GRM1: variants seen among roughly 807,000 people sequenced by gnomAD.
The protein encoded by GRM1 is metabotropic glutamate receptor 1.
In GRM1, 33 loss-of-function variants were observed where a neutral mutation model predicts 90.9. The observed-to-expected ratio is 0.36, with a 90% CI of 0.28 to 0.49. GRM1 has a LOEUF of 0.49. Among genes scored for constraint, GRM1 ranks in the 20% least tolerant of loss-of-function variants. The pLI is 0.99. For missense variants in GRM1, 1,190 were observed against 1,534.3 expected (o/e 0.78, Z 3.75); for synonymous variants, 700 against 613.2 (o/e 1.14, Z -2.09).
intron 7 of GRM1, among the ~76,000 whole-genome samples, chr6:146,416,338 G>A (rs565556388): frequency 6.6e-6 from 1 of 151,208 alleles, no homozygotes; most frequent in African/African-American, 2.4e-5. Context: ...ATAATCACTA[G>A]TATTTTAATA....
intron 2 of GRM1, among the ~76,000 whole-genome samples, chr6:146,178,584 TCAGAA>T (rs1389582899): frequency 1.3e-5 from 2 of 152,192 alleles, no homozygotes; most frequent in Non-Finnish European, 2.9e-5. Flanking sequence ...CATTGAACTA[TCAGAA>T]AGCAAAGGTG....
upstream of GRM1, among the ~76,000 whole-genome samples, chr6:146,027,980 G>A (rs930754344): frequency 1.3e-5 from 2 of 152,054 alleles, no homozygotes; most frequent in African/African-American, 4.8e-5. Context: ...TGGGTGCCTG[G>A]GTTTTCTTTC....
intron 3 of GRM1, among the ~76,000 whole-genome samples, chr6:146,327,156 C>T (rs1784424152): frequency 6.6e-6 from 1 of 152,028 alleles, no homozygotes; most frequent in African/African-American, 2.4e-5. Context: ...TATCTAATGC[C>T]TTTTTTTCTG....
At chr6:146,220,858 A>G (rs1255494662) in intron 2 of GRM1, among the ~76,000 whole-genome samples, 3 of 152,108 alleles carry the variant, frequency 2.0e-5, no homozygotes, top group Non-Finnish European at 4.4e-5. Context: ...CTCAAGTATC[A>G]GAAATGCATG....
At chr6:146,094,984 T>C (rs953599680) in intron 1 of GRM1, among the ~76,000 whole-genome samples, 3 of 152,272 alleles carry the variant, frequency 2.0e-5, no homozygotes, top group Admixed American at 6.5e-5. Flanking sequence ...CATAGAGTTG[T>C]ATATTATTCA....
In GRM1 at chr6:146,418,038, G is replaced by A. The variant is rs143070272; in HGVS notation, c.2661-15834G>A. Among the ~76,000 whole-genome samples the A allele has an allele frequency of 1.9e-3, 293 of 152,134 alleles. 1 individual carries two copies. Among genetic ancestry groups the A allele is most frequent in the African/African-American group, 6.8e-3 (281 of 41,530 alleles). The stretch of plus-strand genomic sequence containing the variant: ...GTGAGAACAAACACTTAAAATGTAT[G>A]TACAGTTAAATAATGTATTTACAAC... On this transcript the variant is annotated intron_variant, in intron 7 of 7. Transcript: ENST00000282753.
At chr6:146,322,191 C>A (rs545882082) in intron 3 of GRM1, among the ~76,000 whole-genome samples, 8 of 152,306 alleles carry the variant, frequency 5.3e-5, no homozygotes, top group Non-Finnish European at 1.2e-4. Context: ...GCTGCAAGTC[C>A]ACTCCAGACC....
At chr6:146,392,126 G>A (rs1210233509) in intron 6 of GRM1, among the ~76,000 whole-genome samples, 1 of 152,148 alleles carries the variant, frequency 6.6e-6, no homozygotes, top group African/African-American at 2.4e-5. Context: ...AAATGTGTTT[G>A]GTGGCAACCA....
intron 1 of GRM1, among the ~76,000 whole-genome samples, chr6:146,142,868 C>T (rs762187007): frequency 2.6e-5 from 4 of 152,094 alleles, no homozygotes; most frequent in Non-Finnish European, 5.9e-5. Flanking sequence ...ACCCCACGAG[C>T]CTGCTTGGTA....
chr6:146,405,623 C>T (rs965869468), intron 7 of GRM1, among the ~76,000 whole-genome samples: 4 of 152,174 alleles, frequency 2.6e-5, no homozygotes, highest in African/African-American at 9.7e-5. Context: ...GCTGTGTGCT[C>T]ACATGACTTC....
At chr6:146,317,599 T>G (rs1784022192) in intron 3 of GRM1, among the ~76,000 whole-genome samples, 1 of 152,234 alleles carries the variant, frequency 6.6e-6, no homozygotes. Flanking sequence ...AAAAATAGTT[T>G]AATGCCTTAT....
At chr6:146,041,974 G>A (rs1791127843) in intron 1 of GRM1, among the ~76,000 whole-genome samples, 1 of 151,952 alleles carries the variant, frequency 6.6e-6, no homozygotes. Flanking sequence ...CCAAGATGGT[G>A]TCTTGTTACT....
rs192974088 is a variant in GRM1 at position 146,248,630 on chromosome 6, G to C, written c.951-55981G>C. ...TTTATAACTTACCCAGTCTCAGGTA[G>C]TAGCCTTATAGCAGTGTGAAAATGG... On this transcript the variant is annotated intron_variant, in intron 2 of 7. Coordinates refer to ENST00000282753, the MANE Select transcript of GRM1 (RefSeq NM_001278064.2). 1.7e-3 allele frequency among the ~76,000 whole-genome samples: 262 copies of C among 152,304 alleles called. 2 individuals are homozygous for C. The highest frequency in any genetic ancestry group is 6.0e-3 in the African/African-American group (248 of 41,572).
chr6:146,221,945 T>C (rs1314281869), intron 2 of GRM1, among the ~76,000 whole-genome samples: 1 of 152,184 alleles, frequency 6.6e-6, no homozygotes, highest in Non-Finnish European at 1.5e-5. Flanking sequence ...CTCAACCATT[T>C]AAGAATGGTT....
chr6:146,095,922 C>G (rs1260655259), intron 1 of GRM1, among the ~76,000 whole-genome samples: 1 of 152,162 alleles, frequency 6.6e-6, no homozygotes, highest in East Asian at 1.9e-4. Context: ...CTTGACTCCT[C>G]TAGAGGCAGT....
rs899330349 is a variant in GRM1 at position 146,316,295 on chromosome 6, A to G, written c.1186+11449A>G. Among the ~76,000 whole-genome samples, 7 of 152,202 alleles carry G rather than the reference A, an allele frequency of 4.6e-5. 1 individual carries two copies. The highest frequency in any genetic ancestry group is 1.3e-4 in the Admixed American group (2 of 15,284). ...ACCACACCTCTCTCTGGACGTGACC[A>G]GGGAAATTTCTCCACTGTTAAGGAT... On this transcript the variant is annotated intron_variant, in intron 3 of 7. Coordinates refer to ENST00000282753, the MANE Select transcript of GRM1 (RefSeq NM_001278064.2).
chr6:146,299,815 T>A (rs1402938904), intron 2 of GRM1, among the ~76,000 whole-genome samples: 1 of 152,136 alleles, frequency 6.6e-6, no homozygotes, highest in Non-Finnish European at 1.5e-5. Context: ...AGCTCCTTTT[T>A]CTCAACTCTG....
At chr6:146,390,022 TACTC>T (rs1260683963) in intron 6 of GRM1, among the ~76,000 whole-genome samples, 3 of 152,046 alleles carry the variant, frequency 2.0e-5, no homozygotes, top group African/African-American at 4.8e-5. Context: ...TCAGTAGAAT[TACTC>T]AGAAAAGTAA....
At chr6:146,396,372 A>G (rs1407117971) in intron 6 of GRM1, among the ~76,000 whole-genome samples, 1 of 152,174 alleles carries the variant, frequency 6.6e-6, no homozygotes, top group African/African-American at 2.4e-5. Flanking sequence ...AAATAAAGTG[A>G]TCTTTCATAA....
Sources: allele counts gnomAD v4.1 joint callset (sites outside exome capture counted in the v4.1 genomes callset), GRCh38; gene constraint gnomAD v4.1.1; transcripts MANE v1.5; gene names NCBI Gene and HGNC (gene_info 2026-07-23, HGNC 2026-07-21).